The following TMEM266 variants were observed in gnomAD, a reference collection of about 807,000 sequenced individuals.
The protein encoded by TMEM266 is transmembrane protein 266, also known as Hv1 related protein 1.
A neutral mutation model predicts 50.5 loss-of-function variants in TMEM266; 33 were observed. That is an observed-to-expected ratio of 0.65 (90% CI 0.50 to 0.87). The LOEUF is 0.87. Among genes scored for constraint, TMEM266 ranks in the 40% least tolerant of loss-of-function variants. TMEM266 has a pLI of 0.00. For synonymous variants in TMEM266, 310 were observed against 292.3 expected (o/e 1.06, Z -0.62); for missense variants, 655 against 695.1 (o/e 0.94, Z 0.65).
intron 1 of TMEM266, among the ~76,000 whole-genome samples, chr15:76,095,878 C>G (rs1487598592): frequency 6.6e-6 from 1 of 152,052 alleles, no homozygotes; most frequent in Non-Finnish European, 1.5e-5. Flanking sequence ...TCCATTTCTT[C>G]TAGATTTTCT....
intron 1 of TMEM266, among the ~76,000 whole-genome samples, chr15:76,062,801 CAT>C (rs1190899226): frequency 6.6e-6 from 1 of 151,976 alleles, no homozygotes; most frequent in African/African-American, 2.4e-5. Context: ...TCTCTTAAAA[CAT>C]ATATTTAAAC....
chr15:76,162,603 G>C (rs1325888644), intron 5 of TMEM266, among the ~76,000 whole-genome samples: 1 of 152,198 alleles, frequency 6.6e-6, no homozygotes, highest in Non-Finnish European at 1.5e-5. Flanking sequence ...CACAGACAAG[G>C]AGAGCAGCTT....
At chr15:76,179,818 A>G (rs2038369469) in intron 8 of TMEM266, among the ~76,000 whole-genome samples, 2 of 152,136 alleles carry the variant, frequency 1.3e-5, no homozygotes. Flanking sequence ...GCCTGGCGCG[A>G]TGGCTCACAC....
At chr15:76,133,198 C>A (rs2037539397) in intron 1 of TMEM266, among the ~76,000 whole-genome samples, 1 of 151,984 alleles carries the variant, frequency 6.6e-6, no homozygotes, top group Admixed American at 6.6e-5. Flanking sequence ...CTTTGGGAGG[C>A]CGAGGCGGGC....
chr15:76,183,791 A>T (rs1234802948), intron 8 of TMEM266, among the ~76,000 whole-genome samples: 7 of 152,148 alleles, frequency 4.6e-5, no homozygotes, highest in Admixed American at 4.6e-4. Context: ...AAACAAGATG[A>T]TAATCTTGAC....
At chr15:76,142,304 A>T (rs1241558828) in intron 3 of TMEM266, among the ~76,000 whole-genome samples, 1 of 152,182 alleles carries the variant, frequency 6.6e-6, no homozygotes, top group Non-Finnish European at 1.5e-5. Context: ...CAGGAGAATT[A>T]CTTGAACCTG....
chr15:76,145,629 A>G (rs2935969), intron 3 of TMEM266, among the ~76,000 whole-genome samples: 46,074 of 152,160 alleles, frequency 0.3, 7,638 homozygotes, highest in African/African-American at 0.43. Flanking sequence ...GTGGGATGGG[A>G]TAGTGTGAAC....
At chr15:76,067,702 G>A (rs1413683039) in intron 1 of TMEM266, among the ~76,000 whole-genome samples, 3 of 146,094 alleles carry the variant, frequency 2.1e-5, no homozygotes, top group Non-Finnish European at 4.5e-5. Context: ...TTTTTTTTTG[G>A]CATTGTATTT....
At chr15:76,183,808 AGCTGTAG>A in intron 8 of TMEM266, among the ~76,000 whole-genome samples, 1 of 152,264 alleles carries the variant, frequency 6.6e-6, no homozygotes, top group Non-Finnish European at 1.5e-5. Context: ...TGACCCTGCA[AGCTGTAG>A]GCATTTCTGA....
chr15:76,081,247 T>A (rs977003740), intron 1 of TMEM266, among the ~76,000 whole-genome samples: 2 of 152,246 alleles, frequency 1.3e-5, no homozygotes, highest in African/African-American at 4.8e-5. Context: ...GACAAGTCAT[T>A]GCCCTCATCT....
chr15:76,091,028 A>G (rs1035011549), intron 1 of TMEM266, among the ~76,000 whole-genome samples: 7 of 152,314 alleles, frequency 4.6e-5, no homozygotes, highest in South Asian at 2.1e-4. Context: ...TGTGTATCCT[A>G]TACATATGTA....
chr15:76,201,717 G>C (rs1379199255), intron 9 of TMEM266, among the ~76,000 whole-genome samples: 1 of 152,102 alleles, frequency 6.6e-6, no homozygotes, highest in East Asian at 1.9e-4. Context: ...TGGAAGGCTG[G>C]AGCCCACAGG....
intron 9 of TMEM266, among the ~76,000 whole-genome samples, chr15:76,197,603 C>A (rs2038674370): frequency 6.6e-6 from 1 of 152,240 alleles, no homozygotes; most frequent in African/African-American, 2.4e-5. Context: ...CAGCTCTCAT[C>A]CCTTGTATAC....
rs55768096 is a variant in TMEM266 at position 76,104,205 on chromosome 15, C to CAAAAAA, written c.-96-29955_-96-29950dup. ...CTGGTGAAAGAGTGAGATTCTGTCTCAAAAAAAAAAAAATTATATTTGGGA... is the reference window on the plus strand; with the variant it reads ...CTGGTGAAAGAGTGAGATTCTGTCTCAAAAAAAAAAAAAAAAAAATTATATTTGGGA... On this transcript the variant is annotated intron_variant, in intron 1 of 10. Transcript: ENST00000388942. Among the ~76,000 whole-genome samples the CAAAAAA allele has an allele frequency of 4.6e-4, 68 of 147,206 alleles. 1 individual carries two copies. Among genetic ancestry groups the CAAAAAA allele is most frequent in the South Asian group, 6.5e-4 (3 of 4,640 alleles).
chr15:76,148,716 T>TCCCCCCCCCCC (rs199917440), intron 3 of TMEM266, among the ~76,000 whole-genome samples: 2 of 138,172 alleles, frequency 1.4e-5, no homozygotes, highest in African/African-American at 2.7e-5. Context: ...TGGCAGTTTG[T>TCCCCCCCCCCC]CCACCCCTTC....
At chr15:76,145,729 G>A (rs572456203) in intron 3 of TMEM266, among the ~76,000 whole-genome samples, 20 of 152,326 alleles carry the variant, frequency 1.3e-4, no homozygotes, top group East Asian at 3.9e-4. Context: ...TTCATCCAGC[G>A]TCTCTAGACA....
At chr15:76,079,095 A>G (rs1402873691) in intron 1 of TMEM266, among the ~76,000 whole-genome samples, 2 of 152,122 alleles carry the variant, frequency 1.3e-5, no homozygotes, top group East Asian at 1.9e-4. Flanking sequence ...GCTCACGCCT[A>G]TAATCCCAGC....
intron 1 of TMEM266, among the ~76,000 whole-genome samples, chr15:76,107,592 G>A (rs1284517883): frequency 6.6e-6 from 1 of 152,158 alleles, no homozygotes; most frequent in Non-Finnish European, 1.5e-5. Flanking sequence ...TCCAGAGCCT[G>A]TCCTAAAATA....
intron 1 of TMEM266, among the ~76,000 whole-genome samples, chr15:76,091,250 T>TG (rs1462620022): frequency 6.6e-6 from 1 of 151,980 alleles, no homozygotes; most frequent in Non-Finnish European, 1.5e-5. Flanking sequence ...ATAATTTTAC[T>TG]GAAAAAAATT....
Sources: gnomAD v4.1 joint callset for allele counts (sites outside exome capture counted in the v4.1 genomes callset) on GRCh38, gnomAD v4.1.1 for gene constraint, MANE v1.5 for transcripts, NCBI Gene and HGNC (gene_info 2026-07-23, HGNC 2026-07-21) for gene names.